Variants in PGAP2 observed in about 807,000 individuals in gnomAD.
PGAP2 encodes the protein post-GPI attachment to proteins 2, also known as acyltransferase PGAP2.
PGAP2 carries 21 observed loss-of-function variants against 33.2 expected under a neutral mutation model. That is an observed-to-expected ratio of 0.63 (90% CI 0.45 to 0.91). The LOEUF is 0.91. Ranked by LOEUF, PGAP2 falls within the 40% of genes least tolerant of loss-of-function variation. PGAP2 has a pLI of 0.00. For synonymous variants in PGAP2, 161 were observed against 172.9 expected (o/e 0.93, Z 0.54); for missense variants, 345 against 424.0 (o/e 0.81, Z 1.64).
upstream of PGAP2, among the ~76,000 whole-genome samples, chr11:3,807,469 G>T (rs1374949509): frequency 1.3e-5 from 2 of 150,952 alleles, no homozygotes; most frequent in South Asian, 2.1e-4. Flanking sequence ...CACCGTGCCC[G>T]GCTAATTTTT....
intron 3 of PGAP2, among the ~76,000 whole-genome samples, chr11:3,821,690 G>A (rs934307015): frequency 6.6e-6 from 1 of 151,882 alleles, no homozygotes; most frequent in African/African-American, 2.4e-5. Context: ...CGCAGGAAGC[G>A]GAGGTTGCAG....
chr11:3,798,123 C>T, intron 1 of PGAP2: 1 of 1,458,682 alleles, frequency 6.9e-7, no homozygotes, highest in Non-Finnish European at 9.0e-7. Context: ...AAAGAGTTTG[C>T]CCGAGGCTTC....
chr11:3,815,980 ACTCT>A (rs2134605771), intron 2 of PGAP2, among the ~76,000 whole-genome samples: 1 of 152,104 alleles, frequency 6.6e-6, no homozygotes, highest in South Asian at 2.1e-4. Context: ...CCTGGATACA[ACTCT>A]CAGGAAGGTC....
chr11:3,808,816 C>G (rs960349380), intron 1 of PGAP2, among the ~76,000 whole-genome samples, 165 bp downstream of exon 1: 2 of 152,216 alleles, frequency 1.3e-5, no homozygotes, highest in African/African-American at 4.8e-5. Flanking sequence ...TCTGGACTTG[C>G]CGAGCTGGCC....
chr11:3,811,199 A>T lies in PGAP2; in HGVS notation c.-10-51A>T. The T allele has an allele frequency of 6.5e-7, 1 of 1,544,140 alleles. No homozygotes were observed. Among genetic ancestry groups the T allele is most frequent in the Non-Finnish European group, 8.8e-7 (1 of 1,133,574 alleles). On this transcript the variant is annotated intron_variant, in intron 1 of 6. Coordinates refer to ENST00000278243, the MANE Select transcript of PGAP2 (RefSeq NM_014489.4). This position sits in a 1 kb window ranked among gnomAD's most constrained non-coding sequence, Gnocchi z 4.6. ...AGCACAAGGGCTGACTTTATCACTG[A>T]GTGCCAGCCTGGCTGCCTGGGGCCC... is the stretch of plus-strand genomic sequence containing the variant.
upstream of PGAP2, among the ~76,000 whole-genome samples, chr11:3,805,713 G>C (rs1044855912): frequency 6.6e-6 from 1 of 150,688 alleles, no homozygotes; most frequent in African/African-American, 2.4e-5. Context: ...TTTGAGACAC[G>C]GTCTTGCTCT....
intron 1 of PGAP2, among the ~76,000 whole-genome samples, chr11:3,800,597 G>C (rs111659714): frequency 6.6e-6 from 1 of 151,428 alleles, no homozygotes; most frequent in African/African-American, 2.4e-5. Context: ...GGATCACGAG[G>C]TCAGGAGATC....
At chr11:3,824,962 G>A (rs2135081983) in intron 5 of PGAP2, 58 bp from the exon 6 acceptor site, 2 of 1,609,466 alleles carry the variant, frequency 1.2e-6, no homozygotes, top group East Asian at 4.5e-5. Flanking sequence ...GGCTGAGAGG[G>A]GAGCCCACGC....
intron 3 of PGAP2, chr11:3,823,054 TGAG>T (rs2134999391): frequency 8.9e-6 from 5 of 564,892 alleles, no homozygotes; most frequent in Admixed American, 4.0e-5. Flanking sequence ...TTTTTTTTTT[TGAG>T]ACAGAGTCTC....
chr11:3,800,636 C>T (rs2083299646), intron 1 of PGAP2, among the ~76,000 whole-genome samples: 1 of 151,244 alleles, frequency 6.6e-6, no homozygotes, highest in African/African-American at 2.4e-5. Flanking sequence ...AGAAGGAAAC[C>T]CCATCTCTAC....
intron 1 of PGAP2, among the ~76,000 whole-genome samples, chr11:3,799,948 A>G (rs1358780786): frequency 2.0e-5 from 3 of 152,192 alleles, no homozygotes; most frequent in Non-Finnish European, 4.4e-5. Flanking sequence ...CGCCTGGGCA[A>G]CAGACGGAGC....
chr11:3,808,136 T>G, upstream of PGAP2: 1 of 1,447,364 alleles, frequency 6.9e-7, no homozygotes, highest in Non-Finnish European at 9.3e-7. Context: ...ACGAGCAAAG[T>G]TTGGGGGAGG....
At chr11:3,814,764 C>T (rs2086459307) in intron 2 of PGAP2, among the ~76,000 whole-genome samples, 1 of 92,344 alleles carries the variant, frequency 1.1e-5, no homozygotes, top group African/African-American at 3.3e-5. Flanking sequence ...TTCTTTCTTT[C>T]TTTCTTTCTT....
rs201106251 is a variant in PGAP2 at position 3,811,275 on chromosome 11, C to T, written c.16C>T (p.Leu6=). 3.8e-5 allele frequency: 62 copies of T among 1,613,532 alleles called. 1 individual carries two copies. The highest frequency in any genetic ancestry group is 9.3e-6 in the Non-Finnish European group (11 of 1,179,712). The change falls in exon 2 of 7, where the codon CTA becomes TTA. Residue 6 remains leucine (L), a synonymous_variant. Coordinates refer to ENST00000278243, the MANE Select transcript of PGAP2 (RefSeq NM_014489.4). The surrounding 1 kb of genome is among the most constrained non-coding windows in gnomAD (Gnocchi z 4.6). ...GTCTGACAAGATGTACCAGGTCCCA[C>T]TACCACTGGATCGGGATGGGACCCT... MYQVP[L]PLDRDGTLVR...
chr11:3,815,073 G>A (rs1375059892), intron 2 of PGAP2, among the ~76,000 whole-genome samples: 2 of 151,722 alleles, frequency 1.3e-5, no homozygotes. Flanking sequence ...GAGTAGCTGA[G>A]ATTACAGGCA....
Position 3,825,871 on chromosome 11 carries a change from A to AT in PGAP2, c.*413_*414insT, listed in dbSNP as rs1418871796. 3.3e-5 allele frequency: 6 copies of AT among 184,168 alleles called. No individual in the cohort carries two copies. The highest frequency in any genetic ancestry group is 5.4e-5 in the Admixed American group (1 of 18,602). The allele number at this position is 184,168 out of a possible 1,614,324, so 11.4% of individuals were successfully genotyped here. On this transcript the variant is annotated 3_prime_UTR_variant, in exon 7 of 7. Coordinates refer to ENST00000278243, the MANE Select transcript of PGAP2 (RefSeq NM_014489.4). ...CTGCACGGGGGTCATTCATAGGACT[A>AT]ATGTATTTCATGATCTACTGTGCAC... is the stretch of plus-strand genomic sequence containing the variant.
chr11:3,815,547 C>A lies in PGAP2; in HGVS notation c.166-1806C>A, dbSNP rs57797581. 7.8e-3 allele frequency among the ~76,000 whole-genome samples: 1,194 copies of A among 152,214 alleles called. 7 individuals are homozygous for A. Among genetic ancestry groups the A allele is most frequent in the African/African-American group, 0.027 (1,141 of 41,542 alleles). On this transcript the variant is annotated intron_variant, in intron 2 of 6. Transcript: ENST00000278243. Reference sequence around the variant, plus strand: ...CTGGTCTCGAACTCCTGACCTCAGGCAATCCAGTTCCTTCAGGCAACCTTC... The same window carrying A: ...CTGGTCTCGAACTCCTGACCTCAGGAAATCCAGTTCCTTCAGGCAACCTTC...
At chr11:3,801,322 A>G (rs1260072411) in intron 1 of PGAP2, among the ~76,000 whole-genome samples, 1 of 151,812 alleles carries the variant, frequency 6.6e-6, no homozygotes, top group Non-Finnish European at 1.5e-5. Flanking sequence ...ATAAGGCCTC[A>G]ATAAATGGTA....
chr11:3,825,719 G>T lies in PGAP2; in HGVS notation c.*261G>T. ...AGCTGGCAGAGAGCTCCACCATTTG[G>T]TGCTAAAAAAAAAAACGTCCTGAGG... On this transcript the variant is annotated 3_prime_UTR_variant, in exon 7 of 7. Coordinates refer to ENST00000278243, the MANE Select transcript of PGAP2 (RefSeq NM_014489.4). 1 of 241,352 alleles carries T rather than the reference G, an allele frequency of 4.1e-6. No homozygotes were observed. The highest frequency in any genetic ancestry group is 7.7e-6 in the Non-Finnish European group (1 of 129,208). The allele number at this position is 241,352 out of a possible 1,614,324, so 15.0% of individuals were successfully genotyped here.
Sources: allele counts gnomAD v4.1 joint callset (sites outside exome capture counted in the v4.1 genomes callset), GRCh38; gene constraint gnomAD v4.1.1; non-coding constraint Gnocchi (gnomAD v3.1); transcripts MANE v1.5; gene names NCBI Gene and HGNC (gene_info 2026-07-23, HGNC 2026-07-21).